Variants in NXNL2 observed in about 807,000 individuals in gnomAD.
NXNL2 encodes the protein nucleoredoxin-like protein 2.
A neutral mutation model predicts 11.1 loss-of-function variants in NXNL2; 7 were observed. The observed-to-expected ratio is 0.63, with a 90% CI of 0.36 to 1.18. The LOEUF is 1.18. Among genes scored for constraint, NXNL2 ranks in the 50% most tolerant of loss-of-function variants. The pLI, the probability that NXNL2 is intolerant of heterozygous loss-of-function variation, is 0.02. For synonymous variants in NXNL2, 109 were observed against 101.8 expected, an observed-to-expected ratio of 1.07 and a Z score of -0.42; for missense variants, 233 against 217.7, an observed-to-expected ratio of 1.07 and a Z score of -0.44.
chr9:88,548,946 A>G (rs1479833356), downstream of NXNL2, among the ~76,000 whole-genome samples: 2 of 152,150 alleles, frequency 1.3e-5, no homozygotes, highest in Non-Finnish European at 2.9e-5. Flanking sequence ...GGACACAGTG[A>G]GCAGATGCCA....
chr9:88,538,664 C>G (rs1416922122), intron 1 of NXNL2, among the ~76,000 whole-genome samples: 2 of 152,174 alleles, frequency 1.3e-5, no homozygotes, highest in Non-Finnish European at 2.9e-5. Flanking sequence ...TGGCTAGTTC[C>G]CCATTTCTGT....
At chr9:88,559,169 C>A (rs1047171486) in intron 1 of NXNL2, among the ~76,000 whole-genome samples, 6 of 152,320 alleles carry the variant, frequency 3.9e-5, no homozygotes, top group African/African-American at 1.4e-4. Context: ...TTCCAGGTGG[C>A]CTCTGGAGGG....
chr9:88,561,594 G>A (rs987604512), intron 1 of NXNL2, among the ~76,000 whole-genome samples: 10 of 152,072 alleles, frequency 6.6e-5, no homozygotes, highest in Non-Finnish European at 1.3e-4. Context: ...AAGCCTTAGA[G>A]TGAATTCCTA....
exon 3 of NXNL2, chr9:88,575,252 A>G (rs1291946149): frequency 1.4e-6 from 1 of 719,980 alleles, no homozygotes; most frequent in East Asian, 1.4e-4. Flanking sequence ...CTGGGTATAT[A>G]CCCGAAAGAA....
chr9:88,563,980 G>C (rs111776655), intron 1 of NXNL2, among the ~76,000 whole-genome samples: 5,053 of 152,072 alleles, frequency 0.033, 249 homozygotes, highest in African/African-American at 0.11. Flanking sequence ...GGAGGCCAAA[G>C]TGGGTGGATC....
downstream of NXNL2, among the ~76,000 whole-genome samples, chr9:88,577,384 G>T (rs1020204500): frequency 6.6e-6 from 1 of 152,048 alleles, no homozygotes; most frequent in Non-Finnish European, 1.5e-5. Flanking sequence ...CAATGGACAC[G>T]GTGGCCTCTG....
intron 2 of NXNL2, among the ~76,000 whole-genome samples, chr9:88,572,621 C>T (rs906033039): frequency 1.3e-5 from 2 of 152,180 alleles, no homozygotes; most frequent in African/African-American, 4.8e-5. Flanking sequence ...GGGCGATCGG[C>T]CTGTGCTGCG....
chr9:88,535,904 A>G (rs1218256768), intron 1 of NXNL2, among the ~76,000 whole-genome samples, 168 bp downstream of exon 1: 1 of 150,926 alleles, frequency 6.6e-6, no homozygotes, highest in East Asian at 2.0e-4. Flanking sequence ...CTCAGTTTCA[A>G]CCTCTCTTGG....
chr9:88,539,848 C>T (rs1212999063), intron 1 of NXNL2: 5 of 152,062 alleles, frequency 3.3e-5, no homozygotes, highest in African/African-American at 1.2e-4. Flanking sequence ...CCACCACACC[C>T]GGCTAATTTT....
Position 88,544,409 on chromosome 9 carries a change from C to T in NXNL2, c.333C>T (p.Ala111=). 6.4e-7 allele frequency: 1 copy of T among 1,551,928 alleles called. No homozygotes were observed. The highest frequency in any genetic ancestry group is 8.7e-7 in the Non-Finnish European group (1 of 1,147,036). Reference sequence around the variant, plus strand: ...TGAGGAAGAGGTACAACGTCACAGCCATCCCCAAGCTTGTGATTGTGAAAC... The same window carrying T: ...TGAGGAAGAGGTACAACGTCACAGCTATCCCCAAGCTTGTGATTGTGAAAC... ...HELRKRYNVT[A]IPKLVIVKQN... The change falls in exon 2 of 2, where the codon GCC becomes GCT. Residue 111 remains alanine, a synonymous_variant. Transcript: ENST00000375854.
chr9:88,567,154 T>C (rs77715754), intron 1 of NXNL2, among the ~76,000 whole-genome samples: 3 of 152,148 alleles, frequency 2.0e-5, no homozygotes, highest in African/African-American at 4.8e-5. Context: ...TTCTTTTTTT[T>C]CTCTGGGGGA....
intron 1 of NXNL2, among the ~76,000 whole-genome samples, chr9:88,563,104 T>G (rs1830109452): frequency 6.6e-6 from 1 of 151,846 alleles, no homozygotes; most frequent in Admixed American, 6.6e-5. Flanking sequence ...AAAATAAAAA[T>G]AAAATAAACA....
chr9:88,558,379 A>G (rs745917637), intron 1 of NXNL2, among the ~76,000 whole-genome samples: 61 of 152,186 alleles, frequency 4.0e-4, no homozygotes, highest in African/African-American at 1.3e-3. Flanking sequence ...CTTCTCTCAT[A>G]TGCATCTCCC....
chr9:88,574,057 T>C (rs1262386708), intron 2 of NXNL2, among the ~76,000 whole-genome samples: 1 of 152,156 alleles, frequency 6.6e-6, no homozygotes, highest in African/African-American at 2.4e-5. Context: ...TGTAAAACAG[T>C]TTAGTGGTTT....
chr9:88,576,011 G>A (rs144172045), downstream of NXNL2, among the ~76,000 whole-genome samples: 1,120 of 152,270 alleles, frequency 7.4e-3, 17 homozygotes, highest in African/African-American at 0.026. Context: ...TGGCCAACAT[G>A]GTGAAATCCC....
At chr9:88,554,485 A>G (rs149240510) in intron 1 of NXNL2, among the ~76,000 whole-genome samples, 2,505 of 152,290 alleles carry the variant, frequency 0.016, 65 homozygotes, top group African/African-American at 0.056. Context: ...GATTACAGAC[A>G]TGAGCCACCG....
downstream of NXNL2, chr9:88,545,049 C>A: frequency 4.8e-6 from 1 of 209,230 alleles, no homozygotes; most frequent in Non-Finnish European, 8.3e-6. Flanking sequence ...TGACAAATAC[C>A]ATGCTTAAAT....
At chr9:88,546,319 C>T (rs886090276), downstream of NXNL2, among the ~76,000 whole-genome samples, 11 of 151,778 alleles carry the variant, frequency 7.2e-5, no homozygotes, top group African/African-American at 2.4e-4. Context: ...GGGTCCACCT[C>T]GGCTGGGCTG....
downstream of NXNL2, among the ~76,000 whole-genome samples, chr9:88,546,099 G>A (rs1481273495): frequency 6.6e-6 from 1 of 152,000 alleles, no homozygotes; most frequent in African/African-American, 2.4e-5. Context: ...ACATTCTTGG[G>A]AACTGGGTGG....
Sources: gnomAD v4.1 joint callset for allele counts (sites outside exome capture counted in the v4.1 genomes callset) on GRCh38, gnomAD v4.1.1 for gene constraint, MANE v1.5 for transcripts, NCBI Gene and HGNC (gene_info 2026-07-23, HGNC 2026-07-21) for gene names.